LDLRAD3: variants seen among roughly 807,000 people sequenced by gnomAD.
The protein encoded by LDLRAD3 is low density lipoprotein receptor class A domain containing 3.
In LDLRAD3, 20 loss-of-function variants were observed where a neutral mutation model predicts 29.4. That is an observed-to-expected ratio of 0.68 (90% CI 0.48 to 0.99). LDLRAD3 has a LOEUF of 0.99. LDLRAD3 is among the 50% of genes least tolerant of loss of function. LDLRAD3 has a pLI of 0.00. For missense variants in LDLRAD3, 420 were observed against 454.3 expected (o/e 0.92, Z 0.69); for synonymous variants, 157 against 192.7 (o/e 0.81, Z 1.53).
At chr11:36,017,679 C>CCCCCATG (rs1366028375) in intron 1 of LDLRAD3, among the ~76,000 whole-genome samples, 1 of 151,962 alleles carries the variant, frequency 6.6e-6, no homozygotes, top group African/African-American at 2.4e-5. Flanking sequence ...CAGTCGTGCA[C>CCCCCATG]CCCCATGCCC....
chr11:36,116,836 C>CTTTTTTTTTT (rs1375616154), intron 4 of LDLRAD3, among the ~76,000 whole-genome samples: 1 of 121,436 alleles, frequency 8.2e-6, no homozygotes, highest in African/African-American at 2.8e-5. Flanking sequence ...CTTTCTTTTT[C>CTTTTTTTTTT]TTTTTTTCTT....
rs202101680 is a variant in LDLRAD3 at position 36,213,024 on chromosome 11, TTCTCTCTCTG to T, written c.455-14051_455-14042del. 0.016 allele frequency among the ~76,000 whole-genome samples: 2,384 copies of T among 151,652 alleles called. 71 individuals carry two copies. Among genetic ancestry groups the T allele is most frequent in the African/African-American group, 0.055 (2,263 of 41,134 alleles). The stretch of plus-strand genomic sequence containing the variant: ...ATTCGGTCTTCAGTTTAGAACTTTC[TTCTCTCTCTG>T]TCTCTCTCTCCCCCACCCCTCTCTT... On this transcript the variant is annotated intron_variant, in intron 4 of 5. Coordinates refer to ENST00000315571, the MANE Select transcript of LDLRAD3 (RefSeq NM_174902.4). This position sits in a 1 kb window ranked among gnomAD's most constrained non-coding sequence, Gnocchi z 4.1.
chr11:36,197,193 C>A (rs1376024505), intron 4 of LDLRAD3: 1 of 152,194 alleles, frequency 6.6e-6, no homozygotes, highest in East Asian at 1.9e-4. Flanking sequence ...CCAGAAAACT[C>A]TGTTTTTTCA....
chr11:36,229,242 T>C lies in LDLRAD3; in HGVS notation c.883T>C (p.Ser295Pro), dbSNP rs1855541067. ...CCAAGCCGACCTGCCCCCCTACCGCTCCCGGTCCGGGAGTGCCAACAGTGC... is the reference window on the plus strand; with the variant it reads ...CCAAGCCGACCTGCCCCCCTACCGCCCCCGGTCCGGGAGTGCCAACAGTGC... ...LNQADLPPYR[S>P]RSGSANSASS... The change falls in exon 6 of 6, where the codon TCC (serine) becomes CCC (proline). Residue 295 changes from serine (S) to proline (P), a missense_variant. Physicochemically the swap from Ser to Pro is moderately conservative, Grantham distance 74. Transcript: ENST00000315571. The C allele has an allele frequency of 1.2e-6, 2 of 1,613,358 alleles. No homozygotes were observed. Among genetic ancestry groups the C allele is most frequent in the African/African-American group, 2.7e-5 (2 of 74,676 alleles).
chr11:36,043,871 T>C (rs1220258658), intron 2 of LDLRAD3, among the ~76,000 whole-genome samples: 1 of 152,154 alleles, frequency 6.6e-6, no homozygotes, highest in Non-Finnish European at 1.5e-5. Flanking sequence ...GGTTTAAAGC[T>C]CTGTCCATTA....
intron 1 of LDLRAD3, among the ~76,000 whole-genome samples, chr11:35,976,936 G>A (rs1851484301): frequency 6.6e-6 from 1 of 152,146 alleles, no homozygotes; most frequent in Non-Finnish European, 1.5e-5. Context: ...TTATCTTGGA[G>A]TTCTAGAAAT....
At chr11:36,209,351 T>C (rs1378350130) in intron 4 of LDLRAD3, among the ~76,000 whole-genome samples, 2 of 129,678 alleles carry the variant, frequency 1.5e-5, no homozygotes, top group African/African-American at 3.0e-5. Flanking sequence ...GCAGAAACTG[T>C]ACTTTTTTTT....
intron 1 of LDLRAD3, among the ~76,000 whole-genome samples, chr11:35,985,843 CTT>C (rs112760228): frequency 3.5e-5 from 5 of 144,142 alleles, no homozygotes; most frequent in Admixed American, 7.0e-5. Flanking sequence ...TCCATTAAGC[CTT>C]TTTTTTTTTT....
At chr11:36,080,387 A>C (rs1043012300) in intron 2 of LDLRAD3, among the ~76,000 whole-genome samples, 1 of 152,226 alleles carries the variant, frequency 6.6e-6, no homozygotes, top group Non-Finnish European at 1.5e-5. Context: ...TTTGTGCAGC[A>C]TGAGTGGAAG....
chr11:35,997,031 A>C (rs912499668), intron 1 of LDLRAD3, among the ~76,000 whole-genome samples: 7 of 152,166 alleles, frequency 4.6e-5, no homozygotes, highest in Admixed American at 2.0e-4. Context: ...TCCTTGCCTC[A>C]TGGAATGATG....
At chr11:35,975,858 G>A (rs1192780770) in intron 1 of LDLRAD3, among the ~76,000 whole-genome samples, 1 of 151,112 alleles carries the variant, frequency 6.6e-6, no homozygotes, top group Non-Finnish European at 1.5e-5. Flanking sequence ...TAGAAGAAGG[G>A]TGTGAAGCCA....
At chr11:36,008,500 T>C (rs1291769572) in intron 1 of LDLRAD3, among the ~76,000 whole-genome samples, 1 of 152,184 alleles carries the variant, frequency 6.6e-6, no homozygotes, top group Non-Finnish European at 1.5e-5. Flanking sequence ...TCAAGAAATG[T>C]AACTTTAAAT....
At chr11:36,174,406 C>T (rs1854641334) in intron 4 of LDLRAD3, among the ~76,000 whole-genome samples, 1 of 152,182 alleles carries the variant, frequency 6.6e-6, no homozygotes, top group African/African-American at 2.4e-5. Context: ...GCAAAAGAAA[C>T]TACCATCAGA....
chr11:36,063,026 G>T (rs759979665), intron 2 of LDLRAD3, among the ~76,000 whole-genome samples: 3 of 152,176 alleles, frequency 2.0e-5, no homozygotes, highest in Admixed American at 6.5e-5. Flanking sequence ...GCATTTCATT[G>T]TCTGGATGTG....
chr11:35,965,168 T>C (rs1401019105), intron 1 of LDLRAD3, among the ~76,000 whole-genome samples: 3 of 152,138 alleles, frequency 2.0e-5, no homozygotes, highest in African/African-American at 7.2e-5. Context: ...CCCGCTTTTA[T>C]TTGATCAGAT....
intron 4 of LDLRAD3, among the ~76,000 whole-genome samples, chr11:36,199,922 T>C (rs1352188967): frequency 2.0e-5 from 3 of 152,064 alleles, no homozygotes; most frequent in African/African-American, 7.2e-5. Context: ...ATCTCAGCAC[T>C]TTAGGAGGCT....
chr11:36,228,704 G>A (rs1590372683), intron 5 of LDLRAD3, among the ~76,000 whole-genome samples: 1 of 152,174 alleles, frequency 6.6e-6, no homozygotes, highest in Non-Finnish European at 1.5e-5. Flanking sequence ...GATACAGACC[G>A]AGGTGTTGAG....
chr11:36,058,423 G>C (rs544726525), intron 2 of LDLRAD3, among the ~76,000 whole-genome samples: 1 of 152,178 alleles, frequency 6.6e-6, no homozygotes, highest in East Asian at 1.9e-4. Flanking sequence ...GTCTCTGTCA[G>C]ATTGCGAGCT....
chr11:36,226,720 A>C (rs1386154202), intron 4 of LDLRAD3, among the ~76,000 whole-genome samples: 1 of 152,170 alleles, frequency 6.6e-6, no homozygotes, highest in Non-Finnish European at 1.5e-5. Context: ...GGCAACCACT[A>C]ATCTACTTTC....
Sources: allele counts gnomAD v4.1 joint callset (sites outside exome capture counted in the v4.1 genomes callset), GRCh38; gene constraint gnomAD v4.1.1; non-coding constraint Gnocchi (gnomAD v3.1); transcripts MANE v1.5; gene names NCBI Gene and HGNC (gene_info 2026-07-23, HGNC 2026-07-21).